The following ARVCF variants were observed in gnomAD, a reference collection of about 807,000 sequenced individuals.
ARVCF encodes splicing regulator ARVCF.
ARVCF carries 66 observed loss-of-function variants against 90.9 expected under a neutral mutation model. That is an observed-to-expected ratio of 0.73 (90% confidence interval 0.60 to 0.89). The LOEUF (loss-of-function observed/expected upper bound fraction) is 0.89. Ranked by LOEUF, ARVCF falls within the 40% of genes least tolerant of loss-of-function variation. The probability of loss-of-function intolerance (pLI) is 0.00; values close to 1 mark genes in which losing one functional copy is unlikely to be tolerated. For missense variants in ARVCF, 1,469 were observed against 1,382.3 expected, an observed-to-expected ratio of 1.06 and a Z score of -1.00; for synonymous variants, 653 against 603.4, an observed-to-expected ratio of 1.08 and a Z score of -1.21.
rs747043347 is a variant in ARVCF at position 19,973,103 on chromosome 22, C to T, written c.2438+16G>A. ...CCTCCGCGGCTCCCCAAGCCACCGA[C>T]CCCGCCCCTCCACACCTGGAGGCCA... On this transcript the variant is annotated intron_variant, in intron 14 of 19. Coordinates refer to ENST00000263207, the MANE Select transcript of ARVCF (RefSeq NM_001670.3). 1 of 1,600,550 alleles carries T rather than the reference C, an allele frequency of 6.2e-7. No individual in the cohort carries two copies. Among genetic ancestry groups the T allele is most frequent in the Non-Finnish European group, 8.5e-7 (1 of 1,175,248 alleles).
At chr22:19,987,490 A>G (rs1943860309) in intron 3 of ARVCF, among the ~76,000 whole-genome samples, 1 of 149,924 alleles carries the variant, frequency 6.7e-6, no homozygotes, top group African/African-American at 2.5e-5. Context: ...AGTCCTTCCC[A>G]GGCCTCGGTT....
chr22:20,002,778 G>T (rs1863170278), intron 2 of ARVCF, among the ~76,000 whole-genome samples: 1 of 152,152 alleles, frequency 6.6e-6, no homozygotes, highest in South Asian at 2.1e-4. Context: ...TTGTGTCAAG[G>T]GAATAGCAGC....
Position 19,973,698 on chromosome 22 carries a change from G to A in ARVCF, c.2184C>T (p.Ala728=), listed in dbSNP as rs747657705. 21 of 1,610,162 alleles carry A rather than the reference G, an allele frequency of 1.3e-5. No homozygotes were observed. Among genetic ancestry groups the A allele is most frequent in the East Asian group, 4.5e-5 (2 of 44,896 alleles). The change falls in exon 13 of 20, where the codon GCC becomes GCT. Residue 728 remains alanine, a synonymous_variant. Transcript: ENST00000263207. Reference sequence around the variant, plus strand: ...AGAGGTTGCGCAGAGCGATGGCGACGGCGCGCACCACCTTGTCGGTCTCAG... The same window carrying A: ...AGAGGTTGCGCAGAGCGATGGCGACAGCGCGCACCACCTTGTCGGTCTCAG... ...LQSETDKVVR[A]VAIALRNLSL...
intron 2 of ARVCF, among the ~76,000 whole-genome samples, chr22:20,004,461 C>T (rs1341782164): frequency 6.7e-6 from 1 of 149,596 alleles, no homozygotes; most frequent in African/African-American, 2.5e-5. Context: ...GCATTCCAGC[C>T]TAGATGACAG....
downstream of ARVCF, chr22:19,969,812 G>C: frequency 2.0e-6 from 2 of 983,250 alleles, no homozygotes; most frequent in South Asian, 4.7e-5. Flanking sequence ...CCTCCACCCA[G>C]GGCCCTGCCC....
rs908625466 is a variant in ARVCF at position 19,973,011 on chromosome 22, C to T, written c.2464G>A (p.Ala822Thr). The change falls in exon 15 of 20, where the codon GCG (alanine) becomes ACG (threonine). Residue 822 changes from alanine to threonine, a missense_variant. Physicochemically the swap from Ala to Thr is moderately conservative, Grantham distance 58. Transcript: ENST00000263207. ...CACACTGTCTGCAGCACGTGTGACGCCGCCTTCGCTTCGCGTACCGATTGG... is the reference window on the plus strand; with the variant it reads ...CACACTGTCTGCAGCACGTGTGACGTCGCCTTCGCTTCGCGTACCGATTGG... Reference protein sequence around the residue: ...SSQSVREAKAASHVLQTVWSY... With the variant: ...SSQSVREAKATSHVLQTVWSY... The T allele has an allele frequency of 6.2e-7, 1 of 1,613,420 alleles. No individual in the cohort carries two copies. Among genetic ancestry groups the T allele is most frequent in the Non-Finnish European group, 8.5e-7 (1 of 1,180,000 alleles).
Position 19,981,629 on chromosome 22 carries a change from C to T in ARVCF, c.478G>A (p.Asp160Asn). The T allele has an allele frequency of 6.2e-7, 1 of 1,609,164 alleles. No individual in the cohort carries two copies. Among genetic ancestry groups the T allele is most frequent in the Non-Finnish European group, 8.5e-7 (1 of 1,179,826 alleles). Residue 160 changes from aspartate to asparagine, a missense_variant, in exon 5 of 20, where the codon GAT (aspartate) becomes AAT (asparagine). Physicochemically the swap from Asp to Asn is conservative, Grantham distance 23. Transcript: ENST00000263207. ...AGGAAATGCCGGTCCAGGGCACCATCTGCAAAAGGGCCTAGTGGGGGGCCG... is the reference window on the plus strand; with the variant it reads ...AGGAAATGCCGGTCCAGGGCACCATTTGCAAAAGGGCCTAGTGGGGGGCCG... ...DGGPPLGPFADGALDRHFLLR... is the reference protein window; with the variant it reads ...DGGPPLGPFANGALDRHFLLR...
At chr22:19,972,012 G>A in intron 17 of ARVCF, 41 bp from the exon 18 acceptor site, 2 of 1,539,436 alleles carry the variant, frequency 1.3e-6, no homozygotes, top group Non-Finnish European at 1.8e-6. Context: ...GCGCTCTGAG[G>A]GAGGCCCTGT....
chr22:19,966,331 G>C (rs1942388479), downstream of ARVCF, among the ~76,000 whole-genome samples: 1 of 151,766 alleles, frequency 6.6e-6, no homozygotes, highest in South Asian at 2.1e-4. Flanking sequence ...CTCAGGAGCA[G>C]GTTGCAATTC....
In ARVCF at chr22:19,970,293, G is replaced by A. The variant is rs1942679382; in HGVS notation, c.*463C>T. The A allele has an allele frequency of 1.0e-6, 1 of 995,012 alleles. No individual in the cohort carries two copies. Among genetic ancestry groups the A allele is most frequent in the Non-Finnish European group, 1.2e-6 (1 of 835,424 alleles). 61.6% of individuals were successfully genotyped at this position (995,012 alleles called of 1,614,324 possible). On this transcript the variant is annotated 3_prime_UTR_variant, in exon 20 of 20. Coordinates refer to ENST00000263207, the MANE Select transcript of ARVCF (RefSeq NM_001670.3). ...GTCTGCCTGCCTGCAGGGTGCCCAG[G>A]GAGACCCTCCGCCTTTAGAAGTCCA...
At chr22:19,966,544 G>C (rs1458693948), downstream of ARVCF, among the ~76,000 whole-genome samples, 2 of 151,606 alleles carry the variant, frequency 1.3e-5, no homozygotes, top group African/African-American at 4.9e-5. Context: ...GAGCTCCAGT[G>C]ATCCTCCCAC....
rs748482942 is a variant in ARVCF at position 19,977,477 on chromosome 22, G to A, written c.1808C>T (p.Ala603Val). Residue 603 changes from alanine (A) to valine (V), a missense_variant, in exon 9 of 20, where the codon GCT becomes GTT. By Grantham distance (64) the Ala-to-Val change is moderately conservative (BLOSUM62 0). Coordinates refer to ENST00000263207, the MANE Select transcript of ARVCF (RefSeq NM_001670.3). ...QEAEPGPLGS[A>V]VGSQRRRRDD... ...CCGCCTCCGGCGCTGGGAGCCTACA[G>A]CACTGCCCAGGGGCCCGGGCTCGGC... is the stretch of plus-strand genomic sequence containing the variant. The A allele has an allele frequency of 4.4e-6, 7 of 1,592,878 alleles. No individual in the cohort carries two copies. The highest frequency in any genetic ancestry group is 6.0e-6 in the Non-Finnish European group (7 of 1,169,142).
chr22:19,972,113 C>T, intron 17 of ARVCF, 142 bp from the exon 18 acceptor site: 1 of 926,024 alleles, frequency 1.1e-6, no homozygotes, highest in African/African-American at 1.6e-5. Flanking sequence ...CCTGGAGATC[C>T]AGGCTGGTGC....
At position 19,973,165 on chromosome 22, in the gene ARVCF, G is replaced by T; in HGVS notation, c.2392C>A (p.Leu798Met). 6.2e-7 allele frequency: 1 copy of T among 1,610,564 alleles called. No individual in the cohort carries two copies. Among genetic ancestry groups the T allele is most frequent in the Non-Finnish European group, 8.5e-7 (1 of 1,179,162 alleles). Residue 798 changes from leucine to methionine, a missense_variant, in exon 14 of 20, where the codon CTG becomes ATG. Transcript: ENST00000263207. ...AACGCTGGCACCCCGCGTGCCTGCAGGAGCGAGCGCGCGTTATCCAGGCTG... is the reference window on the plus strand; with the variant it reads ...AACGCTGGCACCCCGCGTGCCTGCATGAGCGAGCGCGCGTTATCCAGGCTG... The part of the protein sequence containing the change: ...SDSLDNARSL[L>M]QARGVPALVA...
intron 3 of ARVCF, among the ~76,000 whole-genome samples, chr22:19,988,201 C>CT (rs1278773519): frequency 6.6e-6 from 1 of 152,186 alleles, no homozygotes; most frequent in Non-Finnish European, 1.5e-5. Flanking sequence ...CTAGCATGCT[C>CT]AAGATTCTAG....
chr22:19,995,030 T>G (rs1699298996), intron 2 of ARVCF, among the ~76,000 whole-genome samples: 1 of 151,216 alleles, frequency 6.6e-6, no homozygotes, highest in African/African-American at 2.4e-5. Context: ...GGTAGACAGC[T>G]AGATGGATGA....
At chr22:20,001,461 T>C (rs1313537804) in intron 2 of ARVCF, among the ~76,000 whole-genome samples, 1 of 152,192 alleles carries the variant, frequency 6.6e-6, no homozygotes, top group East Asian at 1.9e-4. Context: ...GTATGTGCCC[T>C]AGAAGGTTAA....
intron 1 of ARVCF, among the ~76,000 whole-genome samples, chr22:20,011,276 T>A (rs2146502512): frequency 6.6e-6 from 1 of 152,216 alleles, no homozygotes; most frequent in South Asian, 2.1e-4. Flanking sequence ...GGCCCGGGGA[T>A]ATTGCCAGAG....
chr22:19,980,532 C>T (rs961412831), intron 5 of ARVCF: 25 of 393,808 alleles, frequency 6.3e-5, no homozygotes, highest in African/African-American at 4.2e-4. Context: ...TTCCCAATCC[C>T]GAGCAAAACA....
Sources: allele counts gnomAD v4.1 joint callset (sites outside exome capture counted in the v4.1 genomes callset), GRCh38; gene constraint gnomAD v4.1.1; transcripts MANE v1.5; gene names NCBI Gene and HGNC (gene_info 2026-07-23, HGNC 2026-07-21).